DENND2C: variants seen among roughly 807,000 people sequenced by gnomAD.
The protein encoded by DENND2C is DENN domain-containing protein 2C.
In DENND2C, 72 loss-of-function variants were observed where a neutral mutation model predicts 112.4. That is an observed-to-expected ratio of 0.64 (90% CI 0.53 to 0.78). The LOEUF is 0.78. Among genes scored for constraint, DENND2C ranks in the 30% least tolerant of loss-of-function variants. The pLI is 0.00. For synonymous variants in DENND2C, 329 were observed against 381.6 expected, an observed-to-expected ratio of 0.86 and a Z score of 1.61; for missense variants, 992 against 1,113.8, an observed-to-expected ratio of 0.89 and a Z score of 1.56.
chr1:114,618,179 A>G (rs1472552441), intron 8 of DENND2C, among the ~76,000 whole-genome samples: 1 of 152,014 alleles, frequency 6.6e-6, no homozygotes, highest in Non-Finnish European at 1.5e-5. Context: ...TAGTAGAGAC[A>G]GGGTTTCACC....
chr1:114,600,042 C>T (rs1655452810), intron 15 of DENND2C, among the ~76,000 whole-genome samples, 162 bp downstream of exon 15: 1 of 152,048 alleles, frequency 6.6e-6, no homozygotes, highest in African/African-American at 2.4e-5. Context: ...GGGTGCAGCA[C>T]ACCAACATGG....
intron 3 of DENND2C, among the ~76,000 whole-genome samples, chr1:114,626,496 G>A (rs1465609691): frequency 6.8e-6 from 1 of 146,572 alleles, no homozygotes; most frequent in South Asian, 2.2e-4. Context: ...CAATATTTTT[G>A]TAATAAATTA....
intron 3 of DENND2C, among the ~76,000 whole-genome samples, chr1:114,626,445 G>C (rs887230508): frequency 1.3e-5 from 2 of 151,694 alleles, no homozygotes; most frequent in African/African-American, 4.8e-5. Flanking sequence ...CCTAAAGTTA[G>C]GTAGAATGAG....
At chr1:114,605,113 G>GA (rs1369933956) in intron 10 of DENND2C, 82 bp from the exon 11 acceptor site, 22 of 996,240 alleles carry the variant, frequency 2.2e-5, no homozygotes, top group African/African-American at 3.3e-5. Flanking sequence ...CTTGTCTCAG[G>GA]AAAAAAGGTC....
intron 3 of DENND2C, among the ~76,000 whole-genome samples, chr1:114,627,037 T>C (rs1371740081): frequency 1.3e-5 from 2 of 152,212 alleles, no homozygotes; most frequent in Admixed American, 6.5e-5. Context: ...CAGGATTCCA[T>C]ATACACTAAA....
Position 114,600,346 on chromosome 1 carries a change from C to T in DENND2C, c.1963G>A (p.Glu655Lys). 1.2e-6 allele frequency: 2 copies of T among 1,613,920 alleles called. No individual in the cohort carries two copies. Among genetic ancestry groups the T allele is most frequent in the Non-Finnish European group, 1.7e-6 (2 of 1,179,944 alleles). ...YLPGAGDESI[E>K]LCRPLDSRLE... ...CGGGAATCTAGTGGTCGGCAGAGTT[C>T]AATGGACTGAAATGCAAGAAGTTGA... The change falls in exon 15 of 21, where the codon GAA (glutamate) becomes AAA (lysine). Residue 655 changes from glutamate to lysine, a missense_variant. By Grantham distance (56) the Glu-to-Lys change is moderately conservative. Transcript: ENST00000393274.
At chr1:114,622,146 C>T (rs1656184552) in intron 6 of DENND2C, 81 bp from the exon 7 acceptor site, 1 of 1,395,012 alleles carries the variant, frequency 7.2e-7, no homozygotes, top group East Asian at 2.5e-5. Flanking sequence ...TGGGGTCTTG[C>T]TCTGTCGCCC....
chr1:114,625,392 G>A lies in DENND2C; in HGVS notation c.593C>T (p.Pro198Leu), dbSNP rs1656306103. 1.2e-6 allele frequency: 2 copies of A among 1,614,000 alleles called. No individual in the cohort carries two copies. Among genetic ancestry groups the A allele is most frequent in the African/African-American group, 2.7e-5 (2 of 74,904 alleles). The change falls in exon 4 of 21, where the codon CCT (proline) becomes CTT (leucine). Residue 198 changes from proline to leucine, a missense_variant. Pro to Leu is a moderately conservative substitution (Grantham distance 98). This residue lies in a region of DENND2C where 470 missense variants were observed against 472.7 expected (regional missense o/e 0.99). Coordinates refer to ENST00000393274, the MANE Select transcript of DENND2C (RefSeq NM_001256404.2). The part of the protein sequence containing the change: ...TKSLENIYSE[P>L]EGQECGPSIN... ...GGAAGGTCCACATTCTTGCCCCTCA[G>A]GTTCAGAGTAAATATTTTCTAAGCT...
At chr1:114,588,067 G>T (rs954706464) in intron 18 of DENND2C, 115 bp from the exon 19 acceptor site, 3 of 863,824 alleles carry the variant, frequency 3.5e-6, no homozygotes, top group Non-Finnish European at 3.5e-6. Flanking sequence ...AAAGGACTGA[G>T]AATAAATCTA....
intron 1 of DENND2C, among the ~76,000 whole-genome samples, chr1:114,663,923 C>A (rs1047206072): frequency 2.6e-5 from 4 of 151,858 alleles, no homozygotes; most frequent in African/African-American, 9.7e-5. Context: ...ATTTGCTAAC[C>A]CCTGCCTTAG....
intron 3 of DENND2C, among the ~76,000 whole-genome samples, chr1:114,636,932 C>G (rs1304457449): frequency 1.3e-5 from 2 of 151,598 alleles, no homozygotes. Flanking sequence ...TTCAAAATAA[C>G]AGGTACAACA....
chr1:114,600,316 C>G lies in DENND2C; in HGVS notation c.1993G>C (p.Glu665Gln). The change falls in exon 15 of 21, where the codon GAA (glutamate) becomes CAA (glutamine). Residue 665 changes from glutamate (E) to glutamine (Q), a missense_variant. By Grantham distance (29) the Glu-to-Gln change is conservative (BLOSUM62 2). This residue lies in a region of DENND2C where 516 missense variants were observed against 623.6 expected (regional missense o/e 0.83). Coordinates refer to ENST00000393274, the MANE Select transcript of DENND2C (RefSeq NM_001256404.2). Reference sequence around the variant, plus strand: ...AAGAGACATTTAAAATCAACATGTTCCAATCGGGAATCTAGTGGTCGGCAG... The same window carrying G: ...AAGAGACATTTAAAATCAACATGTTGCAATCGGGAATCTAGTGGTCGGCAG... Reference protein sequence around the residue: ...ELCRPLDSRLEHVDFKCLFKC... With the variant: ...ELCRPLDSRLQHVDFKCLFKC... 1 of 1,614,030 alleles carries G rather than the reference C, an allele frequency of 6.2e-7. No individual in the cohort carries two copies. Among genetic ancestry groups the G allele is most frequent in the Non-Finnish European group, 8.5e-7 (1 of 1,179,990 alleles).
At chr1:114,619,277 T>G (rs1005425393) in intron 7 of DENND2C, among the ~76,000 whole-genome samples, 4 of 152,184 alleles carry the variant, frequency 2.6e-5, no homozygotes, top group African/African-American at 9.7e-5. Context: ...AAGGAGGAAT[T>G]GATCAGTTTT....
chr1:114,633,243 A>G (rs746532559), intron 3 of DENND2C, among the ~76,000 whole-genome samples: 20 of 151,908 alleles, frequency 1.3e-4, no homozygotes, highest in Admixed American at 6.6e-4. Flanking sequence ...TCAGGAGTTC[A>G]AAATCGGCCT....
rs750264272 is a variant in DENND2C at position 114,587,927 on chromosome 1, G to A, written c.2457C>T (p.Ser819=). 24 of 1,613,774 alleles carry A rather than the reference G, an allele frequency of 1.5e-5. No homozygotes were observed. Among genetic ancestry groups the A allele is most frequent in the African/African-American group, 8.0e-5 (6 of 74,822 alleles). ...SQDVTLNSLV[S]EAFVRFFVEL... Reference sequence around the variant, plus strand: ...CCACAAAAAACCTGACAAATGCTTCGGACACCAGAGAGTTGAGTGTCACAT... The same window carrying A: ...CCACAAAAAACCTGACAAATGCTTCAGACACCAGAGAGTTGAGTGTCACAT... Residue 819 remains serine, a synonymous_variant, in exon 19 of 21, where the codon TCC becomes TCT. Coordinates refer to ENST00000393274, the MANE Select transcript of DENND2C (RefSeq NM_001256404.2).
intron 1 of DENND2C, among the ~76,000 whole-genome samples, chr1:114,665,967 C>A (rs141720994): frequency 6.6e-6 from 1 of 152,268 alleles, no homozygotes; most frequent in East Asian, 1.9e-4. Context: ...CCTCTCTCGA[C>A]ATCTCCACTT....
intron 18 of DENND2C, 84 bp from the exon 19 acceptor site, chr1:114,588,036 G>A (rs140629217): frequency 3.6e-5 from 42 of 1,180,284 alleles, no homozygotes; most frequent in East Asian, 1.2e-4. Context: ...TATGGAAGTC[G>A]TGCCTAAGAA....
intron 20 of DENND2C, 93 bp downstream of exon 20, chr1:114,587,294 T>A: frequency 7.1e-7 from 1 of 1,406,260 alleles, no homozygotes; most frequent in Non-Finnish European, 1.0e-6. Flanking sequence ...CAAACCTCCT[T>A]ACTTGACCTC....
At chr1:114,604,539 G>A (rs1655605816) in intron 11 of DENND2C, among the ~76,000 whole-genome samples, 1 of 152,118 alleles carries the variant, frequency 6.6e-6, no homozygotes, top group Non-Finnish European at 1.5e-5. Flanking sequence ...GAAGAAGAAA[G>A]AAGATAAAGA....
Sources: allele counts gnomAD v4.1 joint callset (sites outside exome capture counted in the v4.1 genomes callset), GRCh38; gene constraint gnomAD v4.1.1; regional missense constraint gnomAD v4.1.1; transcripts MANE v1.5; gene names NCBI Gene and HGNC (gene_info 2026-07-23, HGNC 2026-07-21).